The following DESI2 variants were observed in gnomAD, a reference collection of about 807,000 sequenced individuals.
DESI2 encodes the protein deubiquitinase DESI2.
Under a neutral mutation model 24.1 loss-of-function variants are expected in DESI2, and 10 were observed. That is an observed-to-expected ratio of 0.41 (90% CI 0.26 to 0.70). The LOEUF is 0.70. Ranked by LOEUF, DESI2 falls within the 30% of genes least tolerant of loss-of-function variation. The probability of loss-of-function intolerance (pLI) is 0.29; values close to 1 mark genes in which losing one functional copy is unlikely to be tolerated. For missense variants in DESI2, 122 were observed against 234.9 expected (o/e 0.52, Z 3.14); for synonymous variants, 71 against 87.7 (o/e 0.81, Z 1.06).
Position 244,706,112 on chromosome 1 carries a change from C to A in DESI2, c.*323C>A. The A allele has an allele frequency of 4.3e-6, 1 of 232,542 alleles. No individual in the cohort carries two copies. Among genetic ancestry groups the A allele is most frequent in the African/African-American group, 2.3e-5 (1 of 43,704 alleles). 14.4% of individuals were successfully genotyped at this position (232,542 alleles called of 1,614,324 possible). A position where few individuals can be genotyped will look rare whatever the true frequency, so the allele number is the denominator to read the frequency against. The stretch of plus-strand genomic sequence containing the variant: ...ACAAATCTTGCATGGACTCCTGCCA[C>A]AGTGAAAGAAGAAAATCTTCATGTC... On this transcript the variant is annotated 3_prime_UTR_variant, in exon 5 of 5. Transcript: ENST00000302550.
chr1:244,698,189 G>A (rs1573228542), intron 4 of DESI2, among the ~76,000 whole-genome samples: 1 of 152,224 alleles, frequency 6.6e-6, no homozygotes, highest in African/African-American at 2.4e-5. Flanking sequence ...GTAAGGCAAT[G>A]CTGCAAAGAA....
intron 1 of DESI2, among the ~76,000 whole-genome samples, chr1:244,659,981 G>A (rs529990240): frequency 3.3e-5 from 5 of 152,268 alleles, no homozygotes; most frequent in Admixed American, 3.3e-4. Flanking sequence ...GCGTATTGGT[G>A]ACTAAAACCC....
In DESI2 at chr1:244,671,576, G is replaced by A. The variant is rs573655622; in HGVS notation, c.43-15021G>A. 2.0e-5 allele frequency among the ~76,000 whole-genome samples: 3 copies of A among 152,212 alleles called. No homozygotes were observed. In the South Asian group the frequency reaches 6.2e-4, roughly 32 times the overall value. ...AAGCCAACTTCTAGGGCTTTATTTG[G>A]ATAAAAATGTCGTGGATTATCCATT... is the stretch of plus-strand genomic sequence containing the variant. On this transcript the variant is annotated intron_variant, in intron 1 of 4. Transcript: ENST00000302550.
chr1:244,679,505 C>T lies in DESI2; in HGVS notation c.43-7092C>T, dbSNP rs1345039510. ...CACACCCGTCCTACACTCTGTCACA[C>T]ACAGATCACATAGAAAGTAAGTCAC... On this transcript the variant is annotated intron_variant, in intron 1 of 4. Transcript: ENST00000302550. Among the ~76,000 whole-genome samples, 4 of 152,216 alleles carry T rather than the reference C, an allele frequency of 2.6e-5. No homozygotes were observed. The East Asian group carries it at 5.8e-4, about 22-fold the overall frequency.
intron 4 of DESI2, among the ~76,000 whole-genome samples, chr1:244,705,099 A>C (rs6692755): frequency 6.6e-6 from 1 of 152,006 alleles, no homozygotes; most frequent in Non-Finnish European, 1.5e-5. Context: ...GACACTGGAG[A>C]AAAGGGGAAA....
chr1:244,653,916 A>G (rs995455566), intron 1 of DESI2: 9 of 471,100 alleles, frequency 1.9e-5, no homozygotes, highest in African/African-American at 1.8e-4. Flanking sequence ...GTTAAAGGCA[A>G]CCTCGTTAAA....
rs529845155 is a variant in DESI2, at chr1:244,680,164, A to G, written c.43-6433A>G. Among the ~76,000 whole-genome samples the G allele has an allele frequency of 1.1e-4, 17 of 151,472 alleles. No homozygotes were observed. In the South Asian group the frequency reaches 3.5e-3, roughly 32 times the overall value. On this transcript the variant is annotated intron_variant, in intron 1 of 4. Coordinates refer to ENST00000302550, the MANE Select transcript of DESI2 (RefSeq NM_016076.5). ...TATTTTTTTAAAAACCAAGCCATCC[A>G]TGGCCAGGCACAGTGGCTCATGTCT...
Position 244,706,050 on chromosome 1 carries a change from T to G in DESI2, c.*261T>G. On this transcript the variant is annotated 3_prime_UTR_variant, in exon 5 of 5. Transcript: ENST00000302550. ...TATTTCTTCTGTTTTATACAAGCTC[T>G]GTTAAGTTATGTTTACAGTATCTTG... The G allele has an allele frequency of 2.3e-6, 1 of 437,086 alleles. No homozygotes were observed. Among genetic ancestry groups the G allele is most frequent in the Non-Finnish European group, 4.2e-6 (1 of 239,894 alleles). 27.1% of individuals were successfully genotyped at this position (437,086 alleles called of 1,614,324 possible).
chr1:244,683,732 T>G (rs940521282), intron 1 of DESI2, among the ~76,000 whole-genome samples: 1 of 151,936 alleles, frequency 6.6e-6, no homozygotes, highest in Admixed American at 6.6e-5. Context: ...TTTTGAATTT[T>G]TTTTTAGAGA....
At chr1:244,669,077 T>C (rs1207404672) in intron 1 of DESI2, among the ~76,000 whole-genome samples, 1 of 152,100 alleles carries the variant, frequency 6.6e-6, no homozygotes, top group Non-Finnish European at 1.5e-5. Context: ...CATGGCTCAC[T>C]GCAGGCTTTG....
intron 2 of DESI2, among the ~76,000 whole-genome samples, chr1:244,686,875 C>G (rs1342556926): frequency 6.6e-6 from 1 of 152,136 alleles, no homozygotes; most frequent in Non-Finnish European, 1.5e-5. Flanking sequence ...ACTCAAAATA[C>G]AAGAATATAC....
At chr1:244,659,967 C>G (rs191694957) in intron 1 of DESI2, among the ~76,000 whole-genome samples, 11 of 152,290 alleles carry the variant, frequency 7.2e-5, no homozygotes, top group South Asian at 2.1e-4. Flanking sequence ...CCAGTAGGGT[C>G]CAAGCGTATT....
At chr1:244,660,461 C>T (rs554759951) in intron 1 of DESI2, among the ~76,000 whole-genome samples, 370 of 152,276 alleles carry the variant, frequency 2.4e-3, no homozygotes, top group African/African-American at 7.7e-3. Context: ...CCACCGCACC[C>T]GGTCGGATTT....
chr1:244,655,811 A>G (rs1675627783), intron 1 of DESI2, among the ~76,000 whole-genome samples: 1 of 152,218 alleles, frequency 6.6e-6, no homozygotes, highest in Admixed American at 6.5e-5. Flanking sequence ...GGTCCAGTAT[A>G]ACTAGAGTAG....
At chr1:244,674,618 T>C (rs1284723038) in intron 1 of DESI2, among the ~76,000 whole-genome samples, 4 of 152,256 alleles carry the variant, frequency 2.6e-5, no homozygotes, top group African/African-American at 9.6e-5. Flanking sequence ...ATATGTGGTC[T>C]TTTGTGATTG....
intron 1 of DESI2, among the ~76,000 whole-genome samples, chr1:244,686,105 A>AGC (rs1676806726): frequency 1.3e-5 from 2 of 152,254 alleles, no homozygotes; most frequent in African/African-American, 4.8e-5. Flanking sequence ...TATTACCATT[A>AGC]TCAAACTTTG....
At chr1:244,673,660 T>G (rs878964) in intron 1 of DESI2, among the ~76,000 whole-genome samples, 7,636 of 152,240 alleles carry the variant, frequency 0.05, 274 homozygotes, top group Admixed American at 0.11. Flanking sequence ...CTAGTATTTT[T>G]TTTCACTTTT....
intron 2 of DESI2, among the ~76,000 whole-genome samples, chr1:244,687,741 C>T (rs1221338646): frequency 6.6e-6 from 1 of 152,078 alleles, no homozygotes; most frequent in African/African-American, 2.4e-5. Context: ...CCAAATAATC[C>T]CAGGAAATAC....
chr1:244,697,267 G>T (rs1481402403), intron 4 of DESI2, among the ~76,000 whole-genome samples: 1 of 152,026 alleles, frequency 6.6e-6, no homozygotes, highest in Non-Finnish European at 1.5e-5. Context: ...CAGCATTTTG[G>T]GAGGTTGAGG....
Sources: gnomAD v4.1 joint callset for allele counts (sites outside exome capture counted in the v4.1 genomes callset) on GRCh38, gnomAD v4.1.1 for gene constraint, MANE v1.5 for transcripts, NCBI Gene and HGNC (gene_info 2026-07-23, HGNC 2026-07-21) for gene names.